HPN: variants seen among roughly 807,000 people sequenced by gnomAD.
HPN encodes the protein hepsin.
A neutral mutation model predicts 55.9 loss-of-function variants in HPN; 13 were observed. The ratio of observed to expected loss-of-function variants is 0.23; its 90% CI spans 0.15 to 0.37. The LOEUF (loss-of-function observed/expected upper bound fraction) is 0.37. HPN is among the 10% of genes least tolerant of loss of function. HPN has a pLI of 1.00. For missense variants in HPN, 451 were observed against 575.8 expected (o/e 0.78, Z 2.22); for synonymous variants, 225 against 240.3 (o/e 0.94, Z 0.59).
At chr19:35,066,201 AC>A in intron 12 of HPN, 47 bp from the exon 13 acceptor site, 1 of 1,613,896 alleles carries the variant, frequency 6.2e-7, no homozygotes, top group South Asian at 1.1e-5. Context: ...CAGTGGTGGG[AC>A]GTGGAAGCCT....
At chr19:35,049,682 A>G (rs1181153815) in intron 4 of HPN, among the ~76,000 whole-genome samples, 166 bp downstream of exon 4, 2 of 152,188 alleles carry the variant, frequency 1.3e-5, no homozygotes, top group Non-Finnish European at 2.9e-5. Context: ...GCACTATTCT[A>G]AGCACCCCAC....
chr19:35,061,639 C>T (rs1034377686), intron 9 of HPN, among the ~76,000 whole-genome samples: 37 of 152,138 alleles, frequency 2.4e-4, no homozygotes, highest in Non-Finnish European at 5.3e-4. Flanking sequence ...GGTATATCCA[C>T]ACAACGGGAG....
intron 2 of HPN, among the ~76,000 whole-genome samples, chr19:35,048,028 A>AGAAAGAAAGAAAGAAAG (rs150953006): frequency 8.0e-5 from 7 of 87,394 alleles, no homozygotes; most frequent in Admixed American, 1.4e-4. Context: ...GAGAGAGAGA[A>AGAAAGAAAGAAAGAAAG]AAAGAAAGAA....
At chr19:35,056,843 T>G (rs1364795101) in intron 4 of HPN, among the ~76,000 whole-genome samples, 1 of 152,194 alleles carries the variant, frequency 6.6e-6, no homozygotes, top group African/African-American at 2.4e-5. Context: ...AATTACGCAC[T>G]TTAGCATATC....
chr19:35,057,966 C>T (rs1427125019), intron 4 of HPN, among the ~76,000 whole-genome samples: 1 of 151,990 alleles, frequency 6.6e-6, no homozygotes, highest in Non-Finnish European at 1.5e-5. Flanking sequence ...GCCTGGCCAA[C>T]ATGGTGAAAC....
intron 2 of HPN, among the ~76,000 whole-genome samples, chr19:35,047,184 C>T (rs1433654460): frequency 6.6e-6 from 1 of 152,214 alleles, no homozygotes; most frequent in Non-Finnish European, 1.5e-5. Context: ...ATCCCTTTTC[C>T]TGTGCCACCA....
chr19:35,066,360 A>G lies in HPN; in HGVS notation c.*73A>G. On this transcript the variant is annotated 3_prime_UTR_variant, in exon 13 of 13. Coordinates refer to ENST00000672452, the MANE Select transcript of HPN (RefSeq NM_001384133.1). The stretch of plus-strand genomic sequence containing the variant: ...TGGTGGGATCCACGCTGGGCCTAGG[A>G]TGGGACGTTTTTCTTCTTGGGCCCG... 2 of 1,544,568 alleles carry G rather than the reference A, an allele frequency of 1.3e-6. No individual in the cohort carries two copies. Among genetic ancestry groups the G allele is most frequent in the Non-Finnish European group, 1.7e-6 (2 of 1,144,874 alleles).
At position 35,041,907 on chromosome 19, in the gene HPN, C is replaced by T. The variant is rs1014893057; in HGVS notation, c.-55+35C>T. On this transcript the variant is annotated intron_variant, in intron 1 of 12. Coordinates refer to ENST00000672452, the MANE Select transcript of HPN (RefSeq NM_001384133.1). ...AGGGCCCCCAGACTCACAGTTCCAG[C>T]CCTGAGGACAGGGGTTCCCTCATCC... is the stretch of plus-strand genomic sequence containing the variant. The T allele has an allele frequency of 6.1e-6, 8 of 1,313,594 alleles. No homozygotes were observed. The African/African-American group carries it at 1.2e-4, about 20-fold the overall frequency. 81.4% of individuals were successfully genotyped at this position (1,313,594 alleles called of 1,614,324 possible).
chr19:35,062,447 AAGTTAGG>A (rs2064547018), intron 9 of HPN, among the ~76,000 whole-genome samples: 2 of 152,200 alleles, frequency 1.3e-5, no homozygotes, highest in South Asian at 4.1e-4. Context: ...CTTAGAAAGT[AAGTTAGG>A]AGTCATTCCC....
At chr19:35,065,764 A>C in intron 11 of HPN, 83 bp downstream of exon 11, 1 of 1,598,584 alleles carries the variant, frequency 6.3e-7, no homozygotes, top group Non-Finnish European at 8.5e-7. Flanking sequence ...CAGGCTCCCC[A>C]TCTAAAAGCC....
At chr19:35,051,332 C>T (rs554268796) in intron 4 of HPN, among the ~76,000 whole-genome samples, 1 of 152,284 alleles carries the variant, frequency 6.6e-6, no homozygotes, top group African/African-American at 2.4e-5. Context: ...TGGTCTCAAA[C>T]TCCTGACCTC....
At position 35,066,431 on chromosome 19, in the gene HPN, C is replaced by T; in HGVS notation, c.*144C>T. ...CCTCCCTCCAGGGTCCTCTCTTCCACAGTGGCGGGCCCACTCAGCCCCGAG... is the reference window on the plus strand; with the variant it reads ...CCTCCCTCCAGGGTCCTCTCTTCCATAGTGGCGGGCCCACTCAGCCCCGAG... On this transcript the variant is annotated 3_prime_UTR_variant, in exon 13 of 13. Coordinates refer to ENST00000672452, the MANE Select transcript of HPN (RefSeq NM_001384133.1). 1 of 1,130,056 alleles carries T rather than the reference C, an allele frequency of 8.8e-7. No individual in the cohort carries two copies. Among genetic ancestry groups the T allele is most frequent in the Non-Finnish European group, 1.2e-6 (1 of 802,934 alleles). 70.0% of individuals were successfully genotyped at this position (1,130,056 alleles called of 1,614,324 possible).
At chr19:35,049,033 G>A (rs1013039528) in intron 2 of HPN, among the ~76,000 whole-genome samples, 6 of 152,192 alleles carry the variant, frequency 3.9e-5, no homozygotes, top group South Asian at 4.1e-4. Context: ...AGTGCAGGGC[G>A]GAGGTGGAGA....
chr19:35,052,747 C>A (rs1213100888), intron 4 of HPN, among the ~76,000 whole-genome samples: 1 of 152,122 alleles, frequency 6.6e-6, no homozygotes, highest in East Asian at 1.9e-4. Flanking sequence ...TTACTCCTGG[C>A]GAACTCCAGG....
intron 4 of HPN, among the ~76,000 whole-genome samples, chr19:35,051,855 G>C (rs1233132042): frequency 6.6e-6 from 1 of 152,164 alleles, no homozygotes; most frequent in African/African-American, 2.4e-5. Context: ...CTTGCCCGAG[G>C]CTGACCACAC....
intron 2 of HPN, among the ~76,000 whole-genome samples, chr19:35,044,423 T>C (rs2064321806): frequency 1.3e-5 from 2 of 151,872 alleles, no homozygotes; most frequent in African/African-American, 2.4e-5. Context: ...TTTCTGGAGG[T>C]GAAGCTGGAA....
At position 35,041,824 on chromosome 19, in the gene HPN, C is replaced by T. The variant is rs375721335; in HGVS notation, c.-103C>T. ...TCCTGCCCAGGCCTGGAGACTGACC[C>T]GACCCCGGCACTACCTCGAGGCTCC... On this transcript the variant is annotated 5_prime_UTR_variant, in exon 1 of 13. Transcript: ENST00000672452. 1.8e-5 allele frequency: 24 copies of T among 1,342,090 alleles called. No homozygotes were observed. Among genetic ancestry groups the T allele is most frequent in the East Asian group, 1.4e-4 (3 of 21,044 alleles). 83.1% of individuals were successfully genotyped at this position (1,342,090 alleles called of 1,614,324 possible).
At chr19:35,040,895 C>T (rs993219566), upstream of HPN, among the ~76,000 whole-genome samples, 2 of 152,088 alleles carry the variant, frequency 1.3e-5, no homozygotes, top group African/African-American at 2.4e-5. Flanking sequence ...TGTGGGTAAG[C>T]GGGTGGGGCC....
At position 35,060,687 on chromosome 19, in the gene HPN, C is replaced by T; in HGVS notation, c.681C>T (p.Pro227=). The part of the protein sequence containing the change: ...VFAGAVAQAS[P]HGLQLGVQAV... ...CCGGTGCCGTGGCCCAGGCCTCTCC[C>T]CACGGTCTGCAGCTGGGGGTGCAGG... The change falls in exon 9 of 13, where the codon CCC becomes CCT. Residue 227 remains proline (P), a synonymous_variant. Transcript: ENST00000672452. 1 of 1,614,230 alleles carries T rather than the reference C, an allele frequency of 6.2e-7. No individual in the cohort carries two copies. Among genetic ancestry groups the T allele is most frequent in the Non-Finnish European group, 8.5e-7 (1 of 1,180,040 alleles).
Sources: allele counts gnomAD v4.1 joint callset (sites outside exome capture counted in the v4.1 genomes callset), GRCh38; gene constraint gnomAD v4.1.1; transcripts MANE v1.5; gene names NCBI Gene and HGNC (gene_info 2026-07-23, HGNC 2026-07-21).